Variants in BAZ2B observed in about 807,000 individuals in gnomAD.
BAZ2B encodes the protein bromodomain adjacent to zinc finger domain protein 2B.
In BAZ2B, 91 loss-of-function variants were observed where a neutral mutation model predicts 246.0. That is an observed-to-expected ratio of 0.37 (90% CI 0.31 to 0.44). The LOEUF (loss-of-function observed/expected upper bound fraction) is 0.44. Among genes scored for constraint, BAZ2B ranks in the 20% least tolerant of loss-of-function variants. The pLI is 1.00. For synonymous variants in BAZ2B, 855 were observed against 860.0 expected (o/e 0.99, Z 0.10); for missense variants, 2,332 against 2,533.7 (o/e 0.92, Z 1.71).
At chr2:159,455,877 T>C (rs1003478805) in intron 3 of BAZ2B, among the ~76,000 whole-genome samples, 2 of 146,910 alleles carry the variant, frequency 1.4e-5, no homozygotes, top group Admixed American at 6.9e-5. Context: ...TTATTACATA[T>C]AAAATCTCTG....
rs769103214 is a variant in BAZ2B at position 159,385,326 on chromosome 2, T to C, written c.3515A>G (p.Asn1172Ser). The change falls in exon 23 of 37, where the codon AAT (asparagine) becomes AGT (serine). Residue 1172 changes from asparagine to serine, a missense_variant. Asn to Ser is a conservative substitution (Grantham distance 46). Coordinates refer to ENST00000392783, the MANE Select transcript of BAZ2B (RefSeq NM_013450.4). Reference sequence around the variant, plus strand: ...TAAAATCTCGGAAACATTGTCTCGATTCACACCAACATTCAGCAAATGTTC... The same window carrying C: ...TAAAATCTCGGAAACATTGTCTCGACTCACACCAACATTCAGCAAATGTTC... ...LGEHLLNVGVNRDNVSEILQI... is the reference protein window; with the variant it reads ...LGEHLLNVGVSRDNVSEILQI... 3.7e-6 allele frequency: 6 copies of C among 1,613,218 alleles called. No homozygotes were observed. Among genetic ancestry groups the C allele is most frequent in the Non-Finnish European group, 5.1e-6 (6 of 1,179,592 alleles).
At chr2:159,521,898 G>A (rs527676039) in intron 2 of BAZ2B, among the ~76,000 whole-genome samples, 2 of 151,958 alleles carry the variant, frequency 1.3e-5, no homozygotes, top group Admixed American at 6.5e-5. Context: ...ATTGCAAGGC[G>A]AGTGCTTACT....
chr2:159,697,648 C>T, the BAZ2B span, among the ~76,000 whole-genome samples: 2 of 151,768 alleles, frequency 1.3e-5, no homozygotes, highest in African/African-American at 2.4e-5. Flanking sequence ...ACTTTGCTTA[C>T]CAGAAGAGAA....
At chr2:159,477,428 G>T (rs922641229) in intron 3 of BAZ2B, among the ~76,000 whole-genome samples, 2 of 151,502 alleles carry the variant, frequency 1.3e-5, no homozygotes, top group Non-Finnish European at 2.9e-5. Context: ...ATTAGAAAAT[G>T]GTTTGATCAT....
chr2:159,709,850 G>C, the BAZ2B span, among the ~76,000 whole-genome samples: 1 of 152,138 alleles, frequency 6.6e-6, no homozygotes, highest in Non-Finnish European at 1.5e-5. Flanking sequence ...GTAAATAACA[G>C]ACAAGTTTAT....
At chr2:159,415,932 T>C (rs1022146248) in intron 13 of BAZ2B, among the ~76,000 whole-genome samples, 1 of 152,240 alleles carries the variant, frequency 6.6e-6, no homozygotes, top group African/African-American at 2.4e-5. Context: ...GTGGGTTTTA[T>C]CGTCTTTACA....
chr2:159,369,201 G>A (rs1293486583), intron 27 of BAZ2B, among the ~76,000 whole-genome samples: 1 of 152,128 alleles, frequency 6.6e-6, no homozygotes, highest in African/African-American at 2.4e-5. Flanking sequence ...CAAGAAGGAT[G>A]GGTGAAATTT....
intron 2 of BAZ2B, among the ~76,000 whole-genome samples, chr2:159,497,575 A>T (rs933314109): frequency 6.6e-6 from 1 of 151,830 alleles, no homozygotes; most frequent in African/African-American, 2.4e-5. Flanking sequence ...AAGATTCTAT[A>T]CTCTAATCAG....
intron 1 of BAZ2B, among the ~76,000 whole-genome samples, chr2:159,584,285 C>A (rs967710852): frequency 1.3e-5 from 2 of 152,062 alleles, no homozygotes; most frequent in African/African-American, 2.4e-5. Flanking sequence ...CCACACCGGG[C>A]TAATTTTTGT....
At position 159,433,129 on chromosome 2, in the gene BAZ2B, T is replaced by A. The variant is rs1186176949; in HGVS notation, c.1528A>T (p.Thr510Ser). The stretch of plus-strand genomic sequence containing the variant: ...TTGCTCTGCATTTTAGTTTTGGTAG[T>A]AAGTGCTAGAGGAGCTTCTTGAATG... The part of the protein sequence containing the change: ...SVIQEAPLAL[T>S]TKTKMQSKIN... Residue 510 changes from threonine to serine, a missense_variant, in exon 9 of 37, where the codon ACT (threonine) becomes TCT (serine). Coordinates refer to ENST00000392783, the MANE Select transcript of BAZ2B (RefSeq NM_013450.4). The A allele has an allele frequency of 1.2e-6, 2 of 1,614,214 alleles. No homozygotes were observed. Among genetic ancestry groups the A allele is most frequent in the Non-Finnish European group, 1.7e-6 (2 of 1,180,024 alleles).
At chr2:159,711,606 C>T in the BAZ2B span, among the ~76,000 whole-genome samples, 1 of 152,300 alleles carries the variant, frequency 6.6e-6, no homozygotes, top group East Asian at 1.9e-4. Context: ...GTTTCAATAA[C>T]TGATCTTTTC....
chr2:159,374,847 G>T, intron 25 of BAZ2B, 94 bp from the exon 26 acceptor site: 1 of 1,048,680 alleles, frequency 9.5e-7, no homozygotes. Flanking sequence ...AGGCACTGCG[G>T]AAAGGTATTA....
intron 6 of BAZ2B, 46 bp from the exon 7 acceptor site, chr2:159,439,258 A>G: frequency 2.0e-6 from 3 of 1,507,514 alleles, no homozygotes; most frequent in Non-Finnish European, 2.7e-6. Flanking sequence ...TTTGGAAAAC[A>G]TTCAAGTTTC....
the BAZ2B span, among the ~76,000 whole-genome samples, chr2:159,634,387 T>G: frequency 1.3e-5 from 2 of 152,196 alleles, no homozygotes; most frequent in Non-Finnish European, 2.9e-5. Context: ...ACTTCCCCCC[T>G]TACATGAACC....
intron 13 of BAZ2B, among the ~76,000 whole-genome samples, chr2:159,413,034 T>C (rs979967416): frequency 6.6e-6 from 1 of 152,186 alleles, no homozygotes; most frequent in African/African-American, 2.4e-5. Context: ...CCTAATAAAT[T>C]AGTTAATTGA....
In BAZ2B at chr2:159,438,362, C is replaced by A; in HGVS notation, c.1234G>T (p.Gly412Trp). Residue 412 changes from glycine (G) to tryptophan (W), a missense_variant, in exon 8 of 37, where the codon GGG (glycine) becomes TGG (tryptophan). By Grantham distance (184) the Gly-to-Trp change is radical. Around this residue, in one of 9 missense-constraint regions of BAZ2B, gnomAD observed 651 missense variants for 650.9 expected, o/e 1.00. Transcript: ENST00000392783. ...GATTCTTCAGAGGTATTTTTATTCC[C>A]TGCTTTAAGAACATCAGGAGAAGGA... ...IVPSPDVLKA[G>W]NKNTSEESSL... The A allele has an allele frequency of 6.2e-7, 1 of 1,614,006 alleles. No individual in the cohort carries two copies. The highest frequency in any genetic ancestry group is 1.1e-5 in the South Asian group (1 of 91,062).
At chr2:159,601,403 G>T (rs1214501736) in intron 1 of BAZ2B, among the ~76,000 whole-genome samples, 1 of 148,876 alleles carries the variant, frequency 6.7e-6, no homozygotes, top group African/African-American at 2.5e-5. Flanking sequence ...CAGAATGGGT[G>T]ACAGAGTGAT....
chr2:159,557,391 A>G (rs1407043562), intron 1 of BAZ2B, among the ~76,000 whole-genome samples: 1 of 151,884 alleles, frequency 6.6e-6, no homozygotes, highest in East Asian at 1.9e-4. Flanking sequence ...AAAACCCACA[A>G]TACTTATTAT....
intron 5 of BAZ2B, 39 bp from the exon 6 acceptor site, chr2:159,447,014 T>C: frequency 7.2e-7 from 1 of 1,380,036 alleles, no homozygotes; most frequent in Non-Finnish European, 9.7e-7. Flanking sequence ...CAATGGAATA[T>C]TATTGCATCA....
Sources: allele counts gnomAD v4.1 joint callset (sites outside exome capture counted in the v4.1 genomes callset), GRCh38; gene constraint gnomAD v4.1.1; regional missense constraint gnomAD v4.1.1; transcripts MANE v1.5; gene names NCBI Gene and HGNC (gene_info 2026-07-23, HGNC 2026-07-21).